Variants in ACYP2 observed in about 807,000 individuals in gnomAD.
ACYP2 encodes acylphosphatase-2.
A neutral mutation model predicts 11.2 loss-of-function variants in ACYP2; 12 were observed. The ratio of observed to expected loss-of-function variants is 1.08; its 90% CI spans 0.69 to 1.74. The LOEUF (loss-of-function observed/expected upper bound fraction) is 1.74. Among genes scored for constraint, ACYP2 ranks in the 40% most tolerant of loss-of-function variants. ACYP2 has a pLI of 0.00. For synonymous variants in ACYP2, 43 were observed against 32.2 expected, an observed-to-expected ratio of 1.33 and a Z score of -1.13; for missense variants, 134 against 101.9, an observed-to-expected ratio of 1.31 and a Z score of -1.35.
At position 54,286,643 on chromosome 2, in the gene ACYP2, A is replaced by T. The variant is rs1267735101; in HGVS notation, c.405-18045A>T. Among the ~76,000 whole-genome samples the T allele has an allele frequency of 3.3e-5, 5 of 152,098 alleles. No homozygotes were observed. In the East Asian group the frequency reaches 9.6e-4, roughly 29 times the overall value. Reference sequence around the variant, plus strand: ...TTTGCTCAACAGATAACTTTTCTAGAATATAATTGTACTGATTAAGGATTT... The same window carrying T: ...TTTGCTCAACAGATAACTTTTCTAGTATATAATTGTACTGATTAAGGATTT... On this transcript the variant is annotated intron_variant, in intron 6 of 6. Coordinates refer to ENST00000607452, the MANE Select transcript of ACYP2 (RefSeq NM_001320586.2).
In ACYP2 at chr2:54,046,029, G is replaced by A. The variant is rs374314891; in HGVS notation, c.63-4929G>A. ...CTAAAAAAATACAAAAATTAGTTGG[G>A]CGTGGTGGCACATGCCTATAGTCCC... On this transcript the variant is annotated intron_variant, in intron 2 of 6. Coordinates refer to ENST00000607452, the MANE Select transcript of ACYP2 (RefSeq NM_001320586.2). 2.1e-4 allele frequency among the ~76,000 whole-genome samples: 32 copies of A among 151,974 alleles called. No individual in the cohort carries two copies. The East Asian group carries it at 5.8e-3, about 28-fold the overall frequency.
intron 2 of ACYP2, among the ~76,000 whole-genome samples, chr2:54,050,410 G>A (rs1246537629): frequency 6.6e-6 from 1 of 151,892 alleles, no homozygotes; most frequent in Non-Finnish European, 1.5e-5. Flanking sequence ...ATTAGCAGAT[G>A]TGGTGGCACG....
intron 4 of ACYP2, among the ~76,000 whole-genome samples, chr2:54,114,353 G>T (rs972748110): frequency 8.2e-5 from 12 of 146,024 alleles, no homozygotes; most frequent in African/African-American, 2.3e-4. Context: ...AGGCAATTGG[G>T]ATGTTGCTGA....
intron 4 of ACYP2, among the ~76,000 whole-genome samples, chr2:54,110,751 A>T (rs1679416618): frequency 6.6e-6 from 1 of 151,958 alleles, no homozygotes; most frequent in African/African-American, 2.4e-5. Context: ...GAGAGAAGCA[A>T]GGTGTCGCCC....
intron 2 of ACYP2, among the ~76,000 whole-genome samples, chr2:54,010,799 G>A (rs1210523860): frequency 7.5e-6 from 1 of 132,780 alleles, no homozygotes; most frequent in Non-Finnish European, 1.5e-5. Context: ...CTCCTGAGTA[G>A]CTGGGATTAC....
chr2:53,981,487 T>C (rs1671761354), intron 2 of ACYP2, among the ~76,000 whole-genome samples: 1 of 152,126 alleles, frequency 6.6e-6, no homozygotes, highest in Non-Finnish European at 1.5e-5. Context: ...GAGGCTGAAG[T>C]GAAGTTACAA....
At chr2:54,267,216 A>G in intron 6 of ACYP2, 4 of 1,471,978 alleles carry the variant, frequency 2.7e-6, no homozygotes, top group Non-Finnish European at 3.6e-6. Context: ...GGCCTATAAA[A>G]GTGCCTGGCA....
chr2:54,046,008 A>T (rs998218982), intron 2 of ACYP2, among the ~76,000 whole-genome samples: 2 of 151,162 alleles, frequency 1.3e-5, no homozygotes, highest in African/African-American at 4.9e-5. Flanking sequence ...CAGTCTCTAA[A>T]AAAATACAAA....
intron 6 of ACYP2, among the ~76,000 whole-genome samples, chr2:54,166,531 A>G (rs549937574): frequency 6.6e-6 from 1 of 152,312 alleles, no homozygotes; most frequent in South Asian, 2.1e-4. Context: ...GGCGACCTAC[A>G]TTCAGATACT....
Position 53,986,692 on chromosome 2 carries a change from T to C in ACYP2, c.62+12882T>C, listed in dbSNP as rs557074044. Among the ~76,000 whole-genome samples the C allele has an allele frequency of 4.0e-5, 6 of 151,130 alleles. No individual in the cohort carries two copies. In the East Asian group the frequency reaches 1.2e-3, roughly 30 times the overall value. On this transcript the variant is annotated intron_variant, in intron 2 of 6. Coordinates refer to ENST00000607452, the MANE Select transcript of ACYP2 (RefSeq NM_001320586.2). ...CAGGATGGAGTGCAGTGGTGTGATC[T>C]TGGGTCACTGCAACCTCTGCCTCCT...
intron 6 of ACYP2, among the ~76,000 whole-genome samples, chr2:54,162,945 C>T (rs1572874529): frequency 6.6e-6 from 1 of 152,086 alleles, no homozygotes; most frequent in Admixed American, 6.6e-5. Flanking sequence ...TCGTGATCAC[C>T]GCACCCCAGT....
chr2:54,230,443 G>A (rs1229187592), intron 6 of ACYP2, among the ~76,000 whole-genome samples: 1 of 152,002 alleles, frequency 6.6e-6, no homozygotes, highest in Non-Finnish European at 1.5e-5. Flanking sequence ...CACAGCCTCC[G>A]CCTCTTGGGT....
intron 2 of ACYP2, among the ~76,000 whole-genome samples, chr2:53,981,984 C>T (rs928474480): frequency 6.6e-6 from 1 of 152,114 alleles, no homozygotes; most frequent in Admixed American, 6.5e-5. Context: ...TTTCGTGTTT[C>T]TTCTTTTTGT....
intron 5 of ACYP2, among the ~76,000 whole-genome samples, chr2:54,137,703 T>C (rs1417773148): frequency 6.6e-6 from 1 of 152,228 alleles, no homozygotes; most frequent in African/African-American, 2.4e-5. Flanking sequence ...TTAGGTTGAT[T>C]CCATGTCTTG....
intron 6 of ACYP2, among the ~76,000 whole-genome samples, chr2:54,281,562 C>T (rs929857133): frequency 2.0e-5 from 3 of 152,174 alleles, no homozygotes; most frequent in African/African-American, 7.2e-5. Flanking sequence ...TATCATGTGG[C>T]AGAAATCACC....
At chr2:54,089,791 T>A (rs1195930797) in intron 4 of ACYP2, among the ~76,000 whole-genome samples, 2 of 151,982 alleles carry the variant, frequency 1.3e-5, no homozygotes, top group Non-Finnish European at 2.9e-5. Flanking sequence ...TTTAACATGT[T>A]CATCAAGTCA....
At chr2:54,014,264 C>A (rs1237175210) in intron 2 of ACYP2, among the ~76,000 whole-genome samples, 2 of 152,088 alleles carry the variant, frequency 1.3e-5, no homozygotes, top group Non-Finnish European at 2.9e-5. Context: ...TCATCTCCTG[C>A]AGTGAAGATG....
intron 6 of ACYP2, among the ~76,000 whole-genome samples, chr2:54,238,545 T>C (rs1319414883): frequency 2.6e-5 from 4 of 152,188 alleles, no homozygotes; most frequent in Admixed American, 6.5e-5. Flanking sequence ...ATAGTATCAT[T>C]GATCATATTT....
intron 6 of ACYP2, among the ~76,000 whole-genome samples, chr2:54,150,497 T>C (rs1037259167): frequency 2.3e-4 from 35 of 152,160 alleles, no homozygotes; most frequent in African/African-American, 8.4e-4. Context: ...ACTCGGCTCA[T>C]TGTAGTCTCT....
Sources: allele counts gnomAD v4.1 joint callset (sites outside exome capture counted in the v4.1 genomes callset), GRCh38; gene constraint gnomAD v4.1.1; transcripts MANE v1.5; gene names NCBI Gene and HGNC (gene_info 2026-07-23, HGNC 2026-07-21).